SNX13: variants seen among roughly 807,000 people sequenced by gnomAD.
SNX13 encodes the protein sorting nexin-13.
SNX13 carries 45 observed loss-of-function variants against 133.6 expected under a neutral mutation model. That is an observed-to-expected ratio of 0.34 (90% confidence interval 0.27 to 0.43). SNX13 has a LOEUF of 0.43. SNX13 is among the 20% of genes least tolerant of loss of function. SNX13 has a pLI of 1.00. For missense variants in SNX13, 1,032 were observed against 1,145.1 expected (o/e 0.90, Z 1.43); for synonymous variants, 414 against 373.9 (o/e 1.11, Z -1.24).
intron 9 of SNX13, among the ~76,000 whole-genome samples, 189 bp from the exon 10 acceptor site, chr7:17,851,153 T>C (rs1791154717): frequency 6.6e-6 from 1 of 152,232 alleles, no homozygotes; most frequent in African/African-American, 2.4e-5. Context: ...AATAAAGTAT[T>C]ATACAGCATG....
chr7:17,812,845 G>A (rs1234855768), intron 20 of SNX13, among the ~76,000 whole-genome samples: 1 of 152,122 alleles, frequency 6.6e-6, no homozygotes, highest in Admixed American at 6.5e-5. Flanking sequence ...GTCCTTTACA[G>A]GGACATGGAT....
At chr7:17,869,169 C>G (rs1201190616) in intron 8 of SNX13, among the ~76,000 whole-genome samples, 1 of 152,056 alleles carries the variant, frequency 6.6e-6, no homozygotes, top group Non-Finnish European at 1.5e-5. Flanking sequence ...TTGAAATACT[C>G]ATGCCCTGTA....
intron 1 of SNX13, among the ~76,000 whole-genome samples, chr7:17,921,466 C>A (rs1314908988): frequency 6.6e-6 from 1 of 152,194 alleles, no homozygotes; most frequent in Non-Finnish European, 1.5e-5. Flanking sequence ...ATATCCCCGA[C>A]AACTTCACTA....
intron 10 of SNX13, 71 bp from the exon 11 acceptor site, chr7:17,850,506 T>C (rs1199014488): frequency 8.8e-6 from 8 of 909,998 alleles, no homozygotes; most frequent in African/African-American, 1.7e-5. Flanking sequence ...ATGCACTTAC[T>C]GTAATTTAAC....
At chr7:17,917,065 T>C (rs2691580) in intron 1 of SNX13, among the ~76,000 whole-genome samples, 62,258 of 151,946 alleles carry the variant, frequency 0.41, 13,272 homozygotes, top group East Asian at 0.62. Context: ...ACAAAAACCA[T>C]ATATGATCAC....
chr7:17,922,486 G>A (rs1466418752), intron 1 of SNX13, among the ~76,000 whole-genome samples: 2 of 152,186 alleles, frequency 1.3e-5, no homozygotes, highest in Non-Finnish European at 2.9e-5. Flanking sequence ...TAGGCTCCCA[G>A]TAAGTATGTG....
At chr7:17,938,614 CATT>C (rs1802387218) in intron 1 of SNX13, among the ~76,000 whole-genome samples, 1 of 152,182 alleles carries the variant, frequency 6.6e-6, no homozygotes, top group African/African-American at 2.4e-5. Context: ...TTAATATTAT[CATT>C]GATTTACTGT....
In SNX13 at chr7:17,940,487, G is replaced by C. The variant is rs1301249857; in HGVS notation, c.-192C>G. 4.2e-6 allele frequency: 3 copies of C among 720,196 alleles called. No individual in the cohort carries two copies. The highest frequency in any genetic ancestry group is 7.5e-6 in the Non-Finnish European group (3 of 402,178). 44.6% of individuals were successfully genotyped at this position (720,196 alleles called of 1,614,324 possible). ...CTCGCGACGGACGCGCCGCCATCTTGGAAGAGCGACGTCCGCGTCTCGCTG... is the reference window on the plus strand; with the variant it reads ...CTCGCGACGGACGCGCCGCCATCTTCGAAGAGCGACGTCCGCGTCTCGCTG... On this transcript the variant is annotated 5_prime_UTR_variant, in exon 1 of 26. Coordinates refer to ENST00000428135, the MANE Select transcript of SNX13 (RefSeq NM_015132.5).
rs756133153 is a variant in SNX13, at chr7:17,796,909, T to C, written c.2544A>G (p.Ala848=). 2 of 1,611,032 alleles carry C rather than the reference T, an allele frequency of 1.2e-6. No homozygotes were observed. Among genetic ancestry groups the C allele is most frequent in the South Asian group, 2.2e-5 (2 of 90,936 alleles). Residue 848 remains alanine (A), a synonymous_variant, in exon 25 of 26, where the codon GCA becomes GCG. Coordinates refer to ENST00000428135, the MANE Select transcript of SNX13 (RefSeq NM_015132.5). ...RDAFWPNGIL[A]EAVPCRDKSI... ...TTTTATCTCTGCATGGAACAGCCTC[T>C]GCTAAAATGCCATTTGGCCAAAATG...
At chr7:17,804,939 TA>T (rs1342675524) in intron 20 of SNX13, among the ~76,000 whole-genome samples, 1 of 152,060 alleles carries the variant, frequency 6.6e-6, no homozygotes, top group East Asian at 1.9e-4. Context: ...CTAGAAGAGG[TA>T]AAATGCATAT....
intron 12 of SNX13, 37 bp from the exon 13 acceptor site, chr7:17,840,037 T>A: frequency 6.4e-7 from 1 of 1,556,192 alleles, no homozygotes. Flanking sequence ...TAAATATTAG[T>A]GTCACACAAT....
At chr7:17,915,665 A>G (rs1055415950) in intron 1 of SNX13, among the ~76,000 whole-genome samples, 25 of 152,064 alleles carry the variant, frequency 1.6e-4, no homozygotes, top group Non-Finnish European at 3.7e-4. Context: ...GCTAACCTAC[A>G]ACTACCACAC....
At chr7:17,903,539 C>T (rs919544643) in intron 1 of SNX13, among the ~76,000 whole-genome samples, 6 of 152,190 alleles carry the variant, frequency 3.9e-5, no homozygotes, top group African/African-American at 1.4e-4. Flanking sequence ...GCCTTCATTT[C>T]CTCACCTATG....
chr7:17,940,486 T>G lies in SNX13; in HGVS notation c.-191A>C. ...GCTCGCGACGGACGCGCCGCCATCTTGGAAGAGCGACGTCCGCGTCTCGCT... is the reference window on the plus strand; with the variant it reads ...GCTCGCGACGGACGCGCCGCCATCTGGGAAGAGCGACGTCCGCGTCTCGCT... On this transcript the variant is annotated 5_prime_UTR_variant, in exon 1 of 26. Coordinates refer to ENST00000428135, the MANE Select transcript of SNX13 (RefSeq NM_015132.5). 1.4e-6 allele frequency: 1 copy of G among 720,762 alleles called. No homozygotes were observed. The highest frequency in any genetic ancestry group is 2.5e-6 in the Non-Finnish European group (1 of 402,642). The allele number at this position is 720,762 out of a possible 1,614,324, so 44.6% of individuals were successfully genotyped here.
chr7:17,836,486 A>G (rs141287780), intron 13 of SNX13, among the ~76,000 whole-genome samples: 240 of 152,206 alleles, frequency 1.6e-3, no homozygotes, highest in African/African-American at 5.4e-3. Flanking sequence ...AAACTTTACG[A>G]CAGAGTGAGA....
At chr7:17,891,059 T>C (rs1047575636) in intron 4 of SNX13, among the ~76,000 whole-genome samples, 2 of 151,914 alleles carry the variant, frequency 1.3e-5, no homozygotes, top group Non-Finnish European at 2.9e-5. Context: ...TTAGTAATAA[T>C]AATAAATGTT....
chr7:17,861,673 A>G (rs745761794), intron 9 of SNX13, among the ~76,000 whole-genome samples: 5 of 152,142 alleles, frequency 3.3e-5, no homozygotes, highest in Non-Finnish European at 5.9e-5. Context: ...ACAACTTCCT[A>G]AACACACTGT....
rs554716731 is a variant in SNX13 at position 17,820,635 on chromosome 7, A to T, written c.1845+874T>A. Among the ~76,000 whole-genome samples, 242 of 152,244 alleles carry T rather than the reference A, an allele frequency of 1.6e-3. 1 individual carries two copies. The highest frequency in any genetic ancestry group is 2.8e-3 in the Non-Finnish European group (189 of 67,970). On this transcript the variant is annotated intron_variant, in intron 18 of 25. Coordinates refer to ENST00000428135, the MANE Select transcript of SNX13 (RefSeq NM_015132.5). ...TCTATCCACAAGATATTTTAATAAG[A>T]TTATCATGGTGCCAACTATATATTT...
At chr7:17,897,518 CT>C in intron 1 of SNX13, 72 bp from the exon 2 acceptor site, 1 of 860,620 alleles carries the variant, frequency 1.2e-6, no homozygotes, top group South Asian at 2.1e-5. Context: ...ACCAACAAAA[CT>C]TTTACATAGT....
Sources: allele counts gnomAD v4.1 joint callset (sites outside exome capture counted in the v4.1 genomes callset), GRCh38; gene constraint gnomAD v4.1.1; transcripts MANE v1.5; gene names NCBI Gene and HGNC (gene_info 2026-07-23, HGNC 2026-07-21).